The following PPP2R2C variants were observed in gnomAD, a reference collection of about 807,000 sequenced individuals.
PPP2R2C encodes protein phosphatase 2 regulatory subunit Bgamma.
In PPP2R2C, 10 loss-of-function variants were observed where a neutral mutation model predicts 45.3. The observed-to-expected ratio is 0.22, with a 90% confidence interval of 0.14 to 0.37. The LOEUF (loss-of-function observed/expected upper bound fraction) is 0.37, where lower values mean the gene tolerates loss of function less well. PPP2R2C is among the 10% of genes least tolerant of loss of function. The pLI, the probability that PPP2R2C is intolerant of heterozygous loss-of-function variation, is 1.00. For synonymous variants in PPP2R2C, 257 were observed against 245.4 expected (o/e 1.05, Z -0.44); for missense variants, 308 against 619.7 (o/e 0.50, Z 5.34).
At chr4:6,372,893 G>A (rs1334722164) in intron 4 of PPP2R2C, among the ~76,000 whole-genome samples, 193 bp from the exon 5 acceptor site, 2 of 152,326 alleles carry the variant, frequency 1.3e-5, no homozygotes, top group Non-Finnish European at 2.9e-5. Context: ...AGAGAGGCAT[G>A]GATGCTTACC....
At chr4:6,352,496 G>A (rs1712664472) in intron 5 of PPP2R2C, among the ~76,000 whole-genome samples, 1 of 152,194 alleles carries the variant, frequency 6.6e-6, no homozygotes, top group Admixed American at 6.5e-5. Flanking sequence ...TGGCAAAGCT[G>A]CTTGAATTAT....
intron 5 of PPP2R2C, among the ~76,000 whole-genome samples, chr4:6,363,976 C>G (rs1300550991): frequency 6.6e-6 from 1 of 152,214 alleles, no homozygotes; most frequent in African/African-American, 2.4e-5. Flanking sequence ...TAACACCCAT[C>G]TCACTGTATT....
chr4:6,435,470 T>C (rs6446505), intron 1 of PPP2R2C, among the ~76,000 whole-genome samples: 149,201 of 152,280 alleles, frequency 0.98, 73,156 homozygotes, highest in Middle Eastern at 1. Context: ...GTACAGTTGA[T>C]ATTTTCATCT....
Position 6,494,287 on chromosome 4 carries a change from G to A in PPP2R2C, c.49+40984C>T, listed in dbSNP as rs113533100. On this transcript the variant is annotated intron_variant, in intron 2 of 9. Coordinates refer to the PPP2R2C transcript ENST00000506140. Reference sequence around the variant, plus strand: ...CCTTACCATAGGTCCCCAAATCGCCGTCAACCTGGTCCGCTGGGTGGGTTA... The same window carrying A: ...CCTTACCATAGGTCCCCAAATCGCCATCAACCTGGTCCGCTGGGTGGGTTA... Among the ~76,000 whole-genome samples, 583 of 152,302 alleles carry A rather than the reference G, an allele frequency of 3.8e-3. 1 individual carries two copies. Among genetic ancestry groups the A allele is most frequent in the Non-Finnish European group, 6.1e-3 (417 of 68,026 alleles).
chr4:6,396,018 C>T (rs1402475307), intron 1 of PPP2R2C, among the ~76,000 whole-genome samples: 3 of 152,202 alleles, frequency 2.0e-5, no homozygotes, highest in Non-Finnish European at 4.4e-5. Flanking sequence ...CCGGCCACCC[C>T]AGTGGGACCT....
chr4:6,559,569 C>G (rs1725511122), intron 1 of PPP2R2C, among the ~76,000 whole-genome samples: 1 of 152,210 alleles, frequency 6.6e-6, no homozygotes, highest in African/African-American at 2.4e-5. Flanking sequence ...AAAATCCCCC[C>G]TGCTGTGGAC....
At chr4:6,339,820 G>T (rs1478631399) in intron 6 of PPP2R2C, among the ~76,000 whole-genome samples, 1 of 152,214 alleles carries the variant, frequency 6.6e-6, no homozygotes, top group African/African-American at 2.4e-5. Context: ...TGATCTGATG[G>T]GATACAAGGC....
intron 6 of PPP2R2C, among the ~76,000 whole-genome samples, chr4:6,335,793 C>T (rs1222643522): frequency 6.6e-6 from 1 of 152,032 alleles, no homozygotes; most frequent in African/African-American, 2.4e-5. Flanking sequence ...AAGGCTCCCA[C>T]GTTTATGTTC....
chr4:6,442,884 C>T lies in PPP2R2C; in HGVS notation c.70+29276G>A, dbSNP rs545606239. Among the ~76,000 whole-genome samples the T allele has an allele frequency of 6.6e-5, 10 of 152,244 alleles. No individual in the cohort carries two copies. In the East Asian group the frequency reaches 1.5e-3, roughly 23 times the overall value. On this transcript the variant is annotated intron_variant, in intron 1 of 8. Coordinates refer to ENST00000382599, the MANE Select transcript of PPP2R2C (RefSeq NM_020416.4). ...AGCTAGTGGCTGCACAGCAGTGGGA[C>T]GCTCTGCGTGATGAGTTCTGGGTCC...
At chr4:6,349,774 C>G in intron 5 of PPP2R2C, 1 of 758,410 alleles carries the variant, frequency 1.3e-6, no homozygotes. Flanking sequence ...GCCTGTAGTC[C>G]CAGCTAATCA....
intron 2 of PPP2R2C, among the ~76,000 whole-genome samples, chr4:6,523,879 A>G (rs1363379435): frequency 6.6e-6 from 1 of 152,210 alleles, no homozygotes; most frequent in East Asian, 1.9e-4. Flanking sequence ...AGTGGAACAT[A>G]TTCAGCCCGG....
In PPP2R2C at chr4:6,471,215, G is replaced by T. The variant is rs1721862296; in HGVS notation, c.70+945C>A. ...TCTGCGGCCGGGCCGCCAGCCCGTG[G>T]GTTAGCGGCTGACAGTCCCCGCACT... is the stretch of plus-strand genomic sequence containing the variant. On this transcript the variant is annotated intron_variant, in intron 1 of 8. Coordinates refer to ENST00000382599, the MANE Select transcript of PPP2R2C (RefSeq NM_020416.4). The surrounding 1 kb of genome is among the most constrained non-coding windows in gnomAD (Gnocchi z 5.6). Among the ~76,000 whole-genome samples the T allele has an allele frequency of 6.6e-6, 1 of 152,274 alleles. No homozygotes were observed. The highest frequency in any genetic ancestry group is 6.5e-5 in the Admixed American group (1 of 15,306).
chr4:6,406,748 C>T lies in PPP2R2C; in HGVS notation c.71-25654G>A, dbSNP rs186008967. ...CTCCAGCCAGGGAAACAGGGAAAAACTCTGTCTCAAAAATAAATAAATACA... is the reference window on the plus strand; with the variant it reads ...CTCCAGCCAGGGAAACAGGGAAAAATTCTGTCTCAAAAATAAATAAATACA... On this transcript the variant is annotated intron_variant, in intron 1 of 8. Transcript: ENST00000382599. 1.4e-4 allele frequency among the ~76,000 whole-genome samples: 21 copies of T among 152,224 alleles called. 1 individual carries two copies. The East Asian group carries it at 4.0e-3, about 29-fold the overall frequency.
At chr4:6,501,542 T>C (rs975348093) in intron 2 of PPP2R2C, among the ~76,000 whole-genome samples, 2 of 152,222 alleles carry the variant, frequency 1.3e-5, no homozygotes, top group African/African-American at 2.4e-5. Context: ...TAGAGGTTGA[T>C]GCACATTAGC....
At chr4:6,456,004 C>T (rs1232002722) in intron 1 of PPP2R2C, among the ~76,000 whole-genome samples, 2 of 152,140 alleles carry the variant, frequency 1.3e-5, no homozygotes, top group African/African-American at 2.4e-5. Context: ...GGGGGAGCTG[C>T]GCCCTATTCC....
At position 6,375,873 on chromosome 4, in the gene PPP2R2C, G is replaced by A. The variant is rs1309560669; in HGVS notation, c.393C>T (p.Asn131=). 3.7e-6 allele frequency: 6 copies of A among 1,614,124 alleles called. No homozygotes were observed. The highest frequency in any genetic ancestry group is 4.5e-5 in the East Asian group (2 of 44,880). Reference sequence around the variant, plus strand: ...TAAGTTTCCCCTCTTCATCCTTCAGGTTGTATCCTTCGGGCCTTTTATCTC... The same window carrying A: ...TAAGTTTCCCCTCTTCATCCTTCAGATTGTATCCTTCGGGCCTTTTATCTC... The part of the protein sequence containing the change: ...TERDKRPEGY[N]LKDEEGKLKD... The change falls in exon 4 of 9, where the codon AAC becomes AAT. Residue 131 remains asparagine (N), a synonymous_variant. Coordinates refer to ENST00000382599, the MANE Select transcript of PPP2R2C (RefSeq NM_020416.4).
At position 6,365,114 on chromosome 4, in the gene PPP2R2C, C is replaced by T. The variant is rs73798208; in HGVS notation, c.625+7409G>A. ...GCAGCAGACAACCCATACAACTGTA[C>T]TCGCAGGCCCTGGCAGAGACCCTGT... On this transcript the variant is annotated intron_variant, in intron 5 of 8. Coordinates refer to ENST00000382599, the MANE Select transcript of PPP2R2C (RefSeq NM_020416.4). Among the ~76,000 whole-genome samples the T allele has an allele frequency of 1.9e-3, 294 of 152,300 alleles. 1 individual carries two copies. Among genetic ancestry groups the T allele is most frequent in the African/African-American group, 6.7e-3 (280 of 41,566 alleles).
chr4:6,406,467 C>T (rs551882472), intron 1 of PPP2R2C, among the ~76,000 whole-genome samples: 1 of 152,232 alleles, frequency 6.6e-6, no homozygotes, highest in African/African-American at 2.4e-5. Context: ...GCAGGGCTCA[C>T]GCCTGTAATC....
chr4:6,375,490 C>T (rs1715226829), intron 4 of PPP2R2C, among the ~76,000 whole-genome samples: 1 of 152,296 alleles, frequency 6.6e-6, no homozygotes, highest in South Asian at 2.1e-4. Flanking sequence ...AGGTGAGTTG[C>T]TGTCTCTCTC....
Sources: gnomAD v4.1 joint callset for allele counts (sites outside exome capture counted in the v4.1 genomes callset) on GRCh38, gnomAD v4.1.1 for gene constraint, Gnocchi (gnomAD v3.1) non-coding constraint, MANE v1.5 for transcripts, NCBI Gene and HGNC (gene_info 2026-07-23, HGNC 2026-07-21) for gene names.